The following SOX6 variants were observed in gnomAD, a reference collection of about 807,000 sequenced individuals.
SOX6 encodes transcription factor SOX-6.
A neutral mutation model predicts 97.8 loss-of-function variants in SOX6; 11 were observed. The ratio of observed to expected loss-of-function variants is 0.11; its 90% confidence interval spans 0.07 to 0.19. The LOEUF is 0.19. SOX6 is among the 10% of genes least tolerant of loss of function. The pLI is 1.00. For synonymous variants in SOX6, 360 were observed against 371.4 expected (o/e 0.97, Z 0.35); for missense variants, 810 against 1,039.5 (o/e 0.78, Z 3.04).
At chr11:16,227,529 T>G (rs915204670) in intron 4 of SOX6, among the ~76,000 whole-genome samples, 7 of 152,052 alleles carry the variant, frequency 4.6e-5, no homozygotes, top group African/African-American at 1.4e-4. Flanking sequence ...GGTCAAGCGA[T>G]CTTCCTGCCT....
At chr11:16,233,619 G>T (rs1395176931) in intron 4 of SOX6, among the ~76,000 whole-genome samples, 1 of 152,064 alleles carries the variant, frequency 6.6e-6, no homozygotes, top group East Asian at 1.9e-4. Flanking sequence ...TTTCTTAAGT[G>T]CCAGGTACTG....
rs1174827627 is a variant in SOX6 at position 16,708,122 on chromosome 11, C to T, written n.429+6708G>A. ...CACTTTATAGTTTGGAAAGGGGAAA[C>T]AAGTAATTTACCAAATATATTTCCT... On this transcript the variant is annotated intron_variant and non_coding_transcript_variant, in intron 3 of 5. Coordinates refer to the SOX6 transcript ENST00000524520. Among the ~76,000 whole-genome samples the T allele has an allele frequency of 4.6e-5, 7 of 152,184 alleles. No homozygotes were observed. The East Asian group carries it at 1.2e-3, about 25-fold the overall frequency.
intron 4 of SOX6, among the ~76,000 whole-genome samples, chr11:16,589,771 C>T (rs1398138553): frequency 6.6e-6 from 1 of 152,054 alleles, no homozygotes; most frequent in Admixed American, 6.6e-5. Context: ...GAACCCTTTA[C>T]AATCAGCAAG....
chr11:16,608,033 A>G (rs1590005225), intron 4 of SOX6, among the ~76,000 whole-genome samples: 1 of 152,098 alleles, frequency 6.6e-6, no homozygotes, highest in Non-Finnish European at 1.5e-5. Flanking sequence ...ACTAGGGGAG[A>G]ACTGGAAGGA....
chr11:16,086,735 G>A (rs1848586189), intron 9 of SOX6, among the ~76,000 whole-genome samples: 1 of 152,160 alleles, frequency 6.6e-6, no homozygotes, highest in African/African-American at 2.4e-5. Flanking sequence ...TTTCCTAAAG[G>A]AAAGCCACGG....
intron 9 of SOX6, among the ~76,000 whole-genome samples, chr11:16,077,419 A>G (rs1460203852): frequency 6.6e-6 from 1 of 152,212 alleles, no homozygotes; most frequent in Non-Finnish European, 1.5e-5. Context: ...CAAAGAACTT[A>G]AAACAAAAGT....
At chr11:15,993,886 T>C (rs1192106595) in intron 13 of SOX6, among the ~76,000 whole-genome samples, 1 of 152,208 alleles carries the variant, frequency 6.6e-6, no homozygotes, top group Non-Finnish European at 1.5e-5. Context: ...GAACTAATCC[T>C]GGAGAGGCCC....
intron 14 of SOX6, among the ~76,000 whole-genome samples, chr11:15,988,696 A>G (rs147892964): frequency 1.4e-3 from 210 of 152,346 alleles, no homozygotes; most frequent in African/African-American, 4.7e-3. Flanking sequence ...ACCTCTCAAG[A>G]GTTGCTAAAT....
intron 3 of SOX6, among the ~76,000 whole-genome samples, chr11:16,701,924 T>C (rs1848097887): frequency 6.6e-6 from 1 of 152,036 alleles, no homozygotes; most frequent in Non-Finnish European, 1.5e-5. Context: ...ACTTTATAGA[T>C]ATTTTCCATA....
chr11:16,537,798 C>T (rs917010994), intron 4 of SOX6, among the ~76,000 whole-genome samples: 1 of 152,122 alleles, frequency 6.6e-6, no homozygotes, highest in African/African-American at 2.4e-5. Context: ...AAGAAATGAA[C>T]AAAGCCCACA....
chr11:16,161,093 C>T (rs1850736616), intron 6 of SOX6, among the ~76,000 whole-genome samples: 1 of 151,996 alleles, frequency 6.6e-6, no homozygotes, highest in Non-Finnish European at 1.5e-5. Flanking sequence ...GAGCATTTGC[C>T]AGTTTCCATG....
At chr11:16,323,802 A>G (rs565899341) in intron 2 of SOX6, among the ~76,000 whole-genome samples, 2 of 152,286 alleles carry the variant, frequency 1.3e-5, no homozygotes, top group East Asian at 3.9e-4. Flanking sequence ...TCAGGACTTC[A>G]TGCTTCTTCC....
At chr11:16,442,799 A>G (rs1859530492) in intron 1 of SOX6, among the ~76,000 whole-genome samples, 1 of 151,878 alleles carries the variant, frequency 6.6e-6, no homozygotes, top group Non-Finnish European at 1.5e-5. Flanking sequence ...TTAACATCTC[A>G]TCTACTGTAA....
At chr11:16,637,300 A>C (rs930187596) in intron 3 of SOX6, among the ~76,000 whole-genome samples, 2 of 152,018 alleles carry the variant, frequency 1.3e-5, no homozygotes, top group Non-Finnish European at 2.9e-5. Context: ...AGCTCACTGC[A>C]CCCTCCACCT....
chr11:16,696,950 T>C (rs935590372), intron 3 of SOX6, among the ~76,000 whole-genome samples: 1 of 150,024 alleles, frequency 6.7e-6, no homozygotes, highest in African/African-American at 2.5e-5. Flanking sequence ...GCTGCTGCTT[T>C]ATTAACTAAG....
At chr11:16,384,245 A>C (rs565223945) in intron 1 of SOX6, among the ~76,000 whole-genome samples, 73 of 152,010 alleles carry the variant, frequency 4.8e-4, no homozygotes, top group African/African-American at 1.7e-3. Context: ...ATATATAGTT[A>C]AAATGTAAAA....
chr11:16,455,650 A>G lies in SOX6; in HGVS notation c.-5+20665T>C, dbSNP rs542365518. 1.1e-3 allele frequency among the ~76,000 whole-genome samples: 174 copies of G among 152,216 alleles called. 1 individual carries two copies. The highest frequency in any genetic ancestry group is 7.7e-3 in the South Asian group (37 of 4,830). On this transcript the variant is annotated intron_variant, in intron 1 of 15. Transcript: ENST00000396356. Reference sequence around the variant, plus strand: ...ATCTTTCCACTCCAGCCATTGCCACATTATTTTTAGGCACCCCCAAATTAT... The same window carrying G: ...ATCTTTCCACTCCAGCCATTGCCACGTTATTTTTAGGCACCCCCAAATTAT...
chr11:16,169,493 G>T (rs1211194483), intron 6 of SOX6, among the ~76,000 whole-genome samples: 1 of 152,020 alleles, frequency 6.6e-6, no homozygotes, highest in African/African-American at 2.4e-5. Flanking sequence ...AAATGATCAA[G>T]TTTACAAAGT....
At chr11:16,675,644 C>G (rs1847879069) in intron 3 of SOX6, among the ~76,000 whole-genome samples, 1 of 152,128 alleles carries the variant, frequency 6.6e-6, no homozygotes, top group African/African-American at 2.4e-5. Flanking sequence ...GTAAGGTCTA[C>G]TAGAGATAAA....
Sources: allele counts gnomAD v4.1 joint callset (sites outside exome capture counted in the v4.1 genomes callset), GRCh38; gene constraint gnomAD v4.1.1; transcripts MANE v1.5; gene names NCBI Gene and HGNC (gene_info 2026-07-23, HGNC 2026-07-21).